Variants in DCLK1 observed in about 807,000 individuals in gnomAD.
The protein encoded by DCLK1 is doublecortin like kinase 1.
A neutral mutation model predicts 86.2 loss-of-function variants in DCLK1; 16 were observed. The observed-to-expected ratio is 0.19, with a 90% CI of 0.13 to 0.28. The LOEUF is 0.28. Among genes scored for constraint, DCLK1 ranks in the 10% least tolerant of loss-of-function variants. The pLI, the probability that DCLK1 is intolerant of heterozygous loss-of-function variation, is 1.00. For synonymous variants in DCLK1, 369 were observed against 370.5 expected (o/e 1.00, Z 0.05); for missense variants, 590 against 940.2 (o/e 0.63, Z 4.87).
At chr13:35,912,460 G>A (rs1186456634) in intron 4 of DCLK1, among the ~76,000 whole-genome samples, 2 of 152,116 alleles carry the variant, frequency 1.3e-5, no homozygotes, top group African/African-American at 2.4e-5. Flanking sequence ...TGGCAGAAGA[G>A]AGAAGCAGCT....
chr13:36,052,210 T>C (rs566015855), intron 3 of DCLK1, among the ~76,000 whole-genome samples: 1 of 152,314 alleles, frequency 6.6e-6, no homozygotes, highest in South Asian at 2.1e-4. Flanking sequence ...AGTAATTGCC[T>C]TTTGAGATGT....
intron 3 of DCLK1, among the ~76,000 whole-genome samples, chr13:36,020,427 A>G (rs947340053): frequency 5.9e-5 from 9 of 152,224 alleles, no homozygotes; most frequent in Non-Finnish European, 1.3e-4. Flanking sequence ...AAGTCTGGAA[A>G]TGAACCAAAG....
intron 4 of DCLK1, among the ~76,000 whole-genome samples, chr13:35,906,737 C>T (rs988905731): frequency 1.3e-4 from 20 of 152,102 alleles, no homozygotes; most frequent in African/African-American, 4.6e-4. Flanking sequence ...GAGTTATTAG[C>T]AATACAATGA....
At position 35,839,152 on chromosome 13, in the gene DCLK1, TAGAGGAGCCGCCATGCTG is replaced by T; in HGVS notation, c.1042_1059del (p.Gln348_Ser353del). The T allele has an allele frequency of 1.9e-6, 3 of 1,588,728 alleles. No homozygotes were observed. Among genetic ancestry groups the T allele is most frequent in the Non-Finnish European group, 2.6e-6 (3 of 1,167,690 alleles). On this transcript the variant is annotated inframe_deletion, in exon 7 of 17. Coordinates refer to ENST00000360631, the MANE Select transcript of DCLK1 (RefSeq NM_001330071.2). ...CAGACTTTGGTGGACGCAAGTGACG[TAGAGGAGCCGCCATGCTG>T]AGAGCTCTGTAGGGGAACAGAAACC...
intron 4 of DCLK1, among the ~76,000 whole-genome samples, chr13:35,929,125 T>A (rs1239335900): frequency 6.6e-6 from 1 of 152,110 alleles, no homozygotes; most frequent in Non-Finnish European, 1.5e-5. Flanking sequence ...GAGATGGGGT[T>A]TCACCATGTT....
chr13:35,791,385 G>A (rs551884683), intron 16 of DCLK1, among the ~76,000 whole-genome samples: 3 of 152,092 alleles, frequency 2.0e-5, no homozygotes, highest in East Asian at 1.9e-4. Context: ...ACCAGTTTGT[G>A]CAGTTTCCAT....
rs1566519083 is a variant in DCLK1, at chr13:35,768,863, T to A, written c.*5672A>T. On this transcript the variant is annotated 3_prime_UTR_variant, in exon 17 of 17. Coordinates refer to ENST00000360631, the MANE Select transcript of DCLK1 (RefSeq NM_001330071.2). ...AGAGAATTCCCCCTAAGAACACAGC[T>A]GGGCTATTCCTTCGTGAACTGAATG... 1 of 152,230 alleles carries A rather than the reference T, an allele frequency of 6.6e-6. No individual in the cohort carries two copies. Among genetic ancestry groups the A allele is most frequent in the Non-Finnish European group, 1.5e-5 (1 of 68,048 alleles). The allele number at this position is 152,230 out of a possible 1,614,324, so 9.4% of individuals were successfully genotyped here. A position where few individuals can be genotyped will look rare whatever the true frequency, so the allele number is the denominator to read the frequency against.
intron 4 of DCLK1, among the ~76,000 whole-genome samples, chr13:35,887,124 T>C (rs1873317827): frequency 6.6e-6 from 1 of 152,250 alleles, no homozygotes; most frequent in South Asian, 2.1e-4. Flanking sequence ...TAAATCCAGC[T>C]ACCTACAGTT....
rs80261751 is a variant in DCLK1, at chr13:35,842,521, A to C, written c.1036-3345T>G. 5.6e-4 allele frequency among the ~76,000 whole-genome samples: 85 copies of C among 152,272 alleles called. No homozygotes were observed. The East Asian group carries it at 0.016, about 29-fold the overall frequency. ...CCCTGTCTCTCCAAAAACAAAAAAA[A>C]AACCTGGTGCTTGAAAGTGAATGCA... On this transcript the variant is annotated intron_variant, in intron 6 of 16. Coordinates refer to ENST00000360631, the MANE Select transcript of DCLK1 (RefSeq NM_001330071.2).
intron 3 of DCLK1, among the ~76,000 whole-genome samples, chr13:36,078,267 T>C (rs1333433888): frequency 6.6e-6 from 1 of 152,172 alleles, no homozygotes; most frequent in African/African-American, 2.4e-5. Context: ...GAAACATATG[T>C]TTGCTGTTTA....
intron 3 of DCLK1, among the ~76,000 whole-genome samples, chr13:36,039,121 A>G (rs1191446623): frequency 1.3e-5 from 2 of 152,226 alleles, no homozygotes; most frequent in Non-Finnish European, 2.9e-5. Context: ...TCAAATTTAA[A>G]AGCAACTTAG....
chr13:35,947,536 G>A (rs1046250001), intron 3 of DCLK1, 79 bp from the exon 4 acceptor site: 8 of 1,166,472 alleles, frequency 6.9e-6, no homozygotes, highest in Middle Eastern at 2.0e-4. Flanking sequence ...GCAGACATCT[G>A]CATAAAGCCC....
intron 16 of DCLK1, among the ~76,000 whole-genome samples, chr13:35,790,725 C>T (rs1174352983): frequency 6.6e-6 from 1 of 152,108 alleles, no homozygotes; most frequent in Non-Finnish European, 1.5e-5. Context: ...ATTAAATTAT[C>T]AAATAGTCTT....
At chr13:36,040,891 G>A (rs1882679842) in intron 3 of DCLK1, among the ~76,000 whole-genome samples, 1 of 152,004 alleles carries the variant, frequency 6.6e-6, no homozygotes, top group African/African-American at 2.4e-5. Context: ...ATTTTAAATC[G>A]GTTCCTGTGT....
At chr13:36,074,088 C>T (rs1020041811) in intron 3 of DCLK1, among the ~76,000 whole-genome samples, 2 of 152,088 alleles carry the variant, frequency 1.3e-5, no homozygotes, top group African/African-American at 4.8e-5. Context: ...AGAAAATGTA[C>T]ATCAGACACA....
chr13:35,998,571 T>C (rs898789564), intron 3 of DCLK1, among the ~76,000 whole-genome samples: 1 of 152,184 alleles, frequency 6.6e-6, no homozygotes, highest in Non-Finnish European at 1.5e-5. Context: ...AGTGGTCTTC[T>C]TGATCATTTC....
chr13:36,099,231 G>C (rs906500716), intron 3 of DCLK1, among the ~76,000 whole-genome samples: 2 of 152,302 alleles, frequency 1.3e-5, no homozygotes, highest in Non-Finnish European at 2.9e-5. Context: ...GCCTCCCAAA[G>C]TGCTGGGATT....
At chr13:35,880,216 C>T (rs1872805874) in intron 4 of DCLK1, among the ~76,000 whole-genome samples, 1 of 152,124 alleles carries the variant, frequency 6.6e-6, no homozygotes, top group African/African-American at 2.4e-5. Flanking sequence ...GGATTAGTAC[C>T]CATTGCTTAA....
At chr13:35,844,871 T>C (rs915116923) in intron 6 of DCLK1, among the ~76,000 whole-genome samples, 3 of 152,224 alleles carry the variant, frequency 2.0e-5, no homozygotes, top group African/African-American at 7.2e-5. Context: ...TTAAAGTTAA[T>C]GTAATTCGAA....
Sources: gnomAD v4.1 joint callset for allele counts (sites outside exome capture counted in the v4.1 genomes callset) on GRCh38, gnomAD v4.1.1 for gene constraint, MANE v1.5 for transcripts, NCBI Gene and HGNC (gene_info 2026-07-23, HGNC 2026-07-21) for gene names.